Variants in MTBP observed in about 807,000 individuals in gnomAD.
The protein encoded by MTBP is mdm2-binding protein.
MTBP carries 101 observed loss-of-function variants against 117.0 expected under a neutral mutation model. The ratio of observed to expected loss-of-function variants is 0.86; its 90% CI spans 0.73 to 1.02. MTBP has a LOEUF of 1.02. Among genes scored for constraint, MTBP ranks in the 50% least tolerant of loss-of-function variants. The pLI is 0.00. For missense variants in MTBP, 970 were observed against 1,030.9 expected, an observed-to-expected ratio of 0.94 and a Z score of 0.81; for synonymous variants, 350 against 351.5, an observed-to-expected ratio of 1.00 and a Z score of 0.05.
At chr8:120,503,128 C>T (rs190380592) in intron 15 of MTBP, among the ~76,000 whole-genome samples, 19 of 152,268 alleles carry the variant, frequency 1.2e-4, no homozygotes, top group East Asian at 1.9e-4. Context: ...AGAGGAGAAG[C>T]TAAGCTCTCT....
chr8:120,497,382 T>C lies in MTBP; in HGVS notation c.1448-11T>C. 3 of 1,590,914 alleles carry C rather than the reference T, an allele frequency of 1.9e-6. No individual in the cohort carries two copies. The highest frequency in any genetic ancestry group is 8.5e-7 in the Non-Finnish European group (1 of 1,172,962). On this transcript the variant is annotated splice_polypyrimidine_tract_variant and intron_variant, in intron 13 of 21. Transcript: ENST00000305949. ...TACAAAATAAGTCAATTGTATTGAT[T>C]TGTCTTATAGAAAGACGAAAGTTGG...
At position 120,450,937 on chromosome 8, in the gene MTBP, T is replaced by C. The variant is rs953098730; in HGVS notation, c.200-66T>C. 11 of 1,094,424 alleles carry C rather than the reference T, an allele frequency of 1.0e-5. No homozygotes were observed. In the African/African-American group the frequency reaches 1.3e-4, roughly 12 times the overall value. 67.8% of individuals were successfully genotyped at this position (1,094,424 alleles called of 1,614,324 possible). The stretch of plus-strand genomic sequence containing the variant: ...AAAGTTATGGTCTGTAAGTACGGTA[T>C]ATATGCTGTGTCATCTGCTTATTTA... On this transcript the variant is annotated intron_variant, in intron 2 of 21. Transcript: ENST00000305949.
chr8:120,495,480 G>A (rs2130591823), intron 13 of MTBP, among the ~76,000 whole-genome samples: 1 of 152,070 alleles, frequency 6.6e-6, no homozygotes, highest in Non-Finnish European at 1.5e-5. Flanking sequence ...CAATTTAAAT[G>A]GGAGAGTCAT....
At chr8:120,497,678 AT>A (rs1234798001) in intron 14 of MTBP, 124 bp downstream of exon 14, 8 of 619,080 alleles carry the variant, frequency 1.3e-5, no homozygotes, top group Non-Finnish European at 2.2e-5. Context: ...ATAATAATAG[AT>A]ACTTATATAG....
intron 17 of MTBP, among the ~76,000 whole-genome samples, chr8:120,512,139 TG>T (rs1814824928): frequency 6.6e-6 from 1 of 152,166 alleles, no homozygotes; most frequent in Non-Finnish European, 1.5e-5. Context: ...TTAATTTGAA[TG>T]TGAAAGTTGA....
At chr8:120,450,971 C>G (rs757611611) in intron 2 of MTBP, 32 bp from the exon 3 acceptor site, 3 of 1,536,816 alleles carry the variant, frequency 2.0e-6, no homozygotes, top group Non-Finnish European at 2.7e-6. Flanking sequence ...TATGGTATGC[C>G]TTTTTAATAA....
chr8:120,449,067 T>C (rs1382451614), intron 2 of MTBP, among the ~76,000 whole-genome samples: 1 of 152,140 alleles, frequency 6.6e-6, no homozygotes, highest in Non-Finnish European at 1.5e-5. Context: ...GTAGATGGAT[T>C]AGAGAAAAGT....
At chr8:120,518,192 A>G in intron 19 of MTBP, 92 bp downstream of exon 19, 2 of 1,348,488 alleles carry the variant, frequency 1.5e-6, no homozygotes, top group Non-Finnish European at 2.0e-6. Flanking sequence ...AATTTTATGA[A>G]TGAAATGAAA....
intron 17 of MTBP, among the ~76,000 whole-genome samples, chr8:120,512,940 T>A (rs1435060686): frequency 6.6e-6 from 1 of 152,104 alleles, no homozygotes; most frequent in Non-Finnish European, 1.5e-5. Context: ...CTTACGTTAT[T>A]GTGGGCCTTT....
At position 120,498,854 on chromosome 8, in the gene MTBP, A is replaced by G. The variant is rs374514623; in HGVS notation, c.1609+1300A>G. Among the ~76,000 whole-genome samples the G allele has an allele frequency of 6.6e-5, 10 of 152,306 alleles. No individual in the cohort carries two copies. In the East Asian group the frequency reaches 1.4e-3, roughly 21 times the overall value. ...AGATCAAGAGAGAGATTGGCTTACC[A>G]GAGGATGTGTATGGGAGATAAGGGT... On this transcript the variant is annotated intron_variant, in intron 14 of 21. Coordinates refer to ENST00000305949, the MANE Select transcript of MTBP (RefSeq NM_022045.5).
intron 11 of MTBP, among the ~76,000 whole-genome samples, chr8:120,475,455 T>G (rs1050625652): frequency 5.3e-5 from 8 of 151,998 alleles, no homozygotes; most frequent in Non-Finnish European, 1.2e-4. Flanking sequence ...AAATTTGTGC[T>G]CCAATTTTTA....
intron 4 of MTBP, chr8:120,452,745 G>A (rs10104398): frequency 0.22 from 33,263 of 150,554 alleles, 4,711 homozygotes; most frequent in Non-Finnish European, 0.32. Context: ...CTGGAGAATT[G>A]CTTGAACCCG....
At chr8:120,499,078 T>C (rs1814528480) in intron 14 of MTBP, among the ~76,000 whole-genome samples, 4 of 152,202 alleles carry the variant, frequency 2.6e-5, no homozygotes. Context: ...CCTTCTTGAT[T>C]GCTTCTAATT....
chr8:120,450,954 G>A (rs1007228563), intron 2 of MTBP, 49 bp from the exon 3 acceptor site: 9 of 1,344,282 alleles, frequency 6.7e-6, no homozygotes, highest in African/African-American at 2.9e-5. Flanking sequence ...TGTGTCATCT[G>A]CTTATTTATG....
At chr8:120,465,428 C>T (rs532037562) in intron 10 of MTBP, among the ~76,000 whole-genome samples, 71 of 152,102 alleles carry the variant, frequency 4.7e-4, no homozygotes, top group African/African-American at 1.6e-3. Context: ...TAATAAAAAC[C>T]AAATTGAAAT....
intron 13 of MTBP, 112 bp downstream of exon 13, chr8:120,490,682 A>G (rs990063645): frequency 1.6e-5 from 10 of 618,738 alleles, no homozygotes; most frequent in Middle Eastern, 4.4e-4. Flanking sequence ...TAGTTATGCT[A>G]CTTAATTATA....
At chr8:120,469,232 G>C (rs896665074) in intron 10 of MTBP, among the ~76,000 whole-genome samples, 2 of 151,690 alleles carry the variant, frequency 1.3e-5, no homozygotes, top group Non-Finnish European at 2.9e-5. Flanking sequence ...CTTTAGTAGA[G>C]ACAAGGTTAC....
At chr8:120,454,049 A>G (rs559136015) in intron 5 of MTBP, 144 bp downstream of exon 5, 174 of 473,604 alleles carry the variant, frequency 3.7e-4, no homozygotes, top group African/African-American at 3.1e-3. Context: ...TGAAGTTGAT[A>G]CAGAATGTAT....
chr8:120,477,466 A>G (rs916655671), intron 11 of MTBP, among the ~76,000 whole-genome samples: 16 of 152,358 alleles, frequency 1.1e-4, no homozygotes, highest in African/African-American at 2.9e-4. Flanking sequence ...TGAACAGGCA[A>G]CTTACAGAAT....
Sources: gnomAD v4.1 joint callset for allele counts (sites outside exome capture counted in the v4.1 genomes callset) on GRCh38, gnomAD v4.1.1 for gene constraint, MANE v1.5 for transcripts, NCBI Gene and HGNC (gene_info 2026-07-23, HGNC 2026-07-21) for gene names.